The following ARFGAP3 variants were observed in gnomAD, a reference collection of about 807,000 sequenced individuals.
ARFGAP3 encodes the protein ADP-ribosylation factor GTPase-activating protein 3.
ARFGAP3 carries 72 observed loss-of-function variants against 75.0 expected under a neutral mutation model. That is an observed-to-expected ratio of 0.96 (90% CI 0.79 to 1.17). The LOEUF is 1.17. Among genes scored for constraint, ARFGAP3 ranks in the 50% most tolerant of loss-of-function variants. The pLI is 0.00. For synonymous variants in ARFGAP3, 221 were observed against 217.9 expected (o/e 1.01, Z -0.13); for missense variants, 620 against 626.6 (o/e 0.99, Z 0.11).
At chr22:42,832,364 C>T (rs185835112) in intron 5 of ARFGAP3, among the ~76,000 whole-genome samples, 37 of 151,458 alleles carry the variant, frequency 2.4e-4, no homozygotes, top group Non-Finnish European at 2.7e-4. Flanking sequence ...CCTGTCTCTA[C>T]TAAAATTACA....
intron 14 of ARFGAP3, among the ~76,000 whole-genome samples, chr22:42,806,036 T>C (rs540090583): frequency 5.3e-5 from 8 of 152,342 alleles, no homozygotes; most frequent in South Asian, 2.1e-4. Context: ...CTGTTTCTCT[T>C]TGGACTCTGA....
intron 1 of ARFGAP3, among the ~76,000 whole-genome samples, chr22:42,852,784 A>T (rs1927334329): frequency 6.6e-6 from 1 of 151,912 alleles, no homozygotes; most frequent in African/African-American, 2.4e-5. Context: ...TGTGCGTGTG[A>T]GATGGAGTCG....
chr22:42,816,179 T>C (rs1925571032), intron 11 of ARFGAP3, among the ~76,000 whole-genome samples: 2 of 152,154 alleles, frequency 1.3e-5, no homozygotes, highest in Non-Finnish European at 2.9e-5. Context: ...GTTTCTATAT[T>C]ATCATATAGC....
chr22:42,806,536 T>C (rs1399701020), intron 14 of ARFGAP3, among the ~76,000 whole-genome samples: 2 of 152,258 alleles, frequency 1.3e-5, no homozygotes, highest in East Asian at 3.8e-4. Flanking sequence ...AGACAGATGC[T>C]GTTAGAGCCA....
intron 8 of ARFGAP3, among the ~76,000 whole-genome samples, chr22:42,822,795 T>C (rs36024609): frequency 2.6e-5 from 4 of 152,144 alleles, no homozygotes; most frequent in African/African-American, 9.7e-5. Flanking sequence ...TTTACTGTTG[T>C]ATTCTTACTT....
intron 11 of ARFGAP3, among the ~76,000 whole-genome samples, chr22:42,815,162 A>AC (rs1213391389): frequency 1.3e-5 from 2 of 152,204 alleles, no homozygotes; most frequent in African/African-American, 2.4e-5. Context: ...GTTTCCTCTG[A>AC]CCCAGACTTA....
At chr22:42,801,948 T>G (rs1292170193) in intron 14 of ARFGAP3, among the ~76,000 whole-genome samples, 2 of 152,032 alleles carry the variant, frequency 1.3e-5, no homozygotes. Flanking sequence ...CTCCACAGGC[T>G]CAACACAGCT....
Position 42,799,163 on chromosome 22 carries a change from G to A in ARFGAP3, c.1412-3C>T. The A allele has an allele frequency of 6.2e-7, 1 of 1,613,796 alleles. No homozygotes were observed. Among genetic ancestry groups the A allele is most frequent in the South Asian group, 1.1e-5 (1 of 91,056 alleles). ...CACACTGGACAGGCTGTAGTTCCCTGCACACACACAGCAGACACTGTCTCA... is the reference window on the plus strand; with the variant it reads ...CACACTGGACAGGCTGTAGTTCCCTACACACACACAGCAGACACTGTCTCA... On this transcript the variant is annotated splice_polypyrimidine_tract_variant and splice_region_variant and intron_variant, in intron 14 of 15. Coordinates refer to ENST00000263245, the MANE Select transcript of ARFGAP3 (RefSeq NM_014570.5).
chr22:42,801,013 C>G (rs952119256), intron 14 of ARFGAP3, among the ~76,000 whole-genome samples: 31 of 152,308 alleles, frequency 2.0e-4, no homozygotes, highest in Non-Finnish European at 4.4e-5. Context: ...GGAAAGCAGA[C>G]AATTAACTGA....
At chr22:42,819,771 T>C (rs954520700) in intron 9 of ARFGAP3, among the ~76,000 whole-genome samples, 1 of 152,208 alleles carries the variant, frequency 6.6e-6, no homozygotes, top group Non-Finnish European at 1.5e-5. Context: ...ATAACTTTAT[T>C]TACAGCCATT....
rs1266038773 is a variant in ARFGAP3, at chr22:42,825,533, G to T, written c.625+1407C>A. Among the ~76,000 whole-genome samples, 6 of 151,444 alleles carry T rather than the reference G, an allele frequency of 4.0e-5. No individual in the cohort carries two copies. The East Asian group carries it at 7.9e-4, about 20-fold the overall frequency. ...CACTAAAAATACAAAAAGTTTGCTG[G>T]GCATGGTGGCACACACCTGTAATCC... On this transcript the variant is annotated intron_variant, in intron 7 of 15. Coordinates refer to ENST00000263245, the MANE Select transcript of ARFGAP3 (RefSeq NM_014570.5).
intron 1 of ARFGAP3, among the ~76,000 whole-genome samples, chr22:42,849,853 C>A (rs916265668): frequency 6.6e-6 from 1 of 152,104 alleles, no homozygotes; most frequent in Non-Finnish European, 1.5e-5. Flanking sequence ...TGAGCCACCA[C>A]GTCCGGCTCC....
At chr22:42,825,685 C>CAA (rs538206434) in intron 7 of ARFGAP3, among the ~76,000 whole-genome samples, 1,185 of 64,396 alleles carry the variant, frequency 0.018, 16 homozygotes, top group African/African-American at 0.06. Flanking sequence ...ACTCTGTCTC[C>CAA]AAAAAAAAAA....
intron 11 of ARFGAP3, among the ~76,000 whole-genome samples, chr22:42,811,561 A>G (rs549088224): frequency 6.6e-6 from 1 of 152,204 alleles, no homozygotes; most frequent in Non-Finnish European, 1.5e-5. Context: ...GATGTAAATG[A>G]TGCTCATTAA....
intron 1 of ARFGAP3, among the ~76,000 whole-genome samples, chr22:42,850,060 C>T (rs924909614): frequency 2.0e-5 from 3 of 152,092 alleles, no homozygotes; most frequent in African/African-American, 7.2e-5. Flanking sequence ...AAATTACTAG[C>T]CCCTTCAACA....
At chr22:42,855,937 AGGCTGGGAAGGAAGGAT>A (rs1276708182) in intron 1 of ARFGAP3, among the ~76,000 whole-genome samples, 3 of 152,114 alleles carry the variant, frequency 2.0e-5, no homozygotes, top group Non-Finnish European at 4.4e-5. Flanking sequence ...CCTCATCAGG[AGGCTGGGAAGGAAGGAT>A]GGCTTGGGCT....
intron 14 of ARFGAP3, among the ~76,000 whole-genome samples, chr22:42,803,719 C>G (rs1338378726): frequency 6.6e-6 from 1 of 152,140 alleles, no homozygotes; most frequent in African/African-American, 2.4e-5. Flanking sequence ...ACATGCGCTT[C>G]CCACTCAATC....
intron 9 of ARFGAP3, among the ~76,000 whole-genome samples, chr22:42,818,249 T>G: frequency 7.9e-6 from 1 of 126,094 alleles, no homozygotes; most frequent in African/African-American, 2.8e-5. Context: ...CTCACTAGTC[T>G]ATCTTGATTT....
chr22:42,856,725 C>T (rs1946407956), intron 1 of ARFGAP3, among the ~76,000 whole-genome samples: 1 of 152,096 alleles, frequency 6.6e-6, no homozygotes, highest in African/African-American at 2.4e-5. Flanking sequence ...CCGCGCTTTC[C>T]CCGCATCCGG....
Sources: gnomAD v4.1 joint callset for allele counts (sites outside exome capture counted in the v4.1 genomes callset) on GRCh38, gnomAD v4.1.1 for gene constraint, MANE v1.5 for transcripts, NCBI Gene and HGNC (gene_info 2026-07-23, HGNC 2026-07-21) for gene names.